BRINP1: variants seen among roughly 807,000 people sequenced by gnomAD.
The protein encoded by BRINP1 is BMP/retinoic acid-inducible neural-specific protein 1.
In BRINP1, 17 loss-of-function variants were observed where a neutral mutation model predicts 72.9. That is an observed-to-expected ratio of 0.23 (90% CI 0.16 to 0.35). BRINP1 has a LOEUF of 0.35. Among genes scored for constraint, BRINP1 ranks in the 10% least tolerant of loss-of-function variants. The pLI is 1.00. For synonymous variants in BRINP1, 418 were observed against 378.5 expected (o/e 1.10, Z -1.21); for missense variants, 850 against 1,001.6 (o/e 0.85, Z 2.04).
At chr9:119,322,389 A>C (rs1258635095) in intron 1 of BRINP1, among the ~76,000 whole-genome samples, 1 of 152,184 alleles carries the variant, frequency 6.6e-6, no homozygotes, top group Non-Finnish European at 1.5e-5. Flanking sequence ...GCTATATATA[A>C]GCCTGCAGTG....
intron 3 of BRINP1, among the ~76,000 whole-genome samples, chr9:119,243,213 C>G (rs1830276103): frequency 1.3e-5 from 2 of 152,248 alleles, no homozygotes; most frequent in East Asian, 1.9e-4. Flanking sequence ...CGCTCCCCCA[C>G]CCTACCCCTC....
chr9:119,363,998 C>A (rs922820061), intron 1 of BRINP1, among the ~76,000 whole-genome samples: 4 of 147,940 alleles, frequency 2.7e-5, no homozygotes, highest in Non-Finnish European at 5.9e-5. Context: ...AATCCTCACT[C>A]AATTTCAGGT....
chr9:119,241,490 G>A (rs2118911520), intron 4 of BRINP1, among the ~76,000 whole-genome samples: 1 of 152,280 alleles, frequency 6.6e-6, no homozygotes, highest in African/African-American at 2.4e-5. Flanking sequence ...GTCTTGTACA[G>A]AAAACTTTTG....
intron 7 of BRINP1, 42 bp from the exon 8 acceptor site, chr9:119,168,266 G>A (rs753497252): frequency 2.1e-6 from 3 of 1,435,268 alleles, no homozygotes; most frequent in Non-Finnish European, 2.8e-6. Context: ...GCTACCATGA[G>A]TGGGTCTGTG....
intron 7 of BRINP1, among the ~76,000 whole-genome samples, chr9:119,202,768 G>A (rs1034828403): frequency 8.5e-5 from 13 of 152,064 alleles, no homozygotes; most frequent in African/African-American, 7.2e-5. Context: ...ATATCTGGTC[G>A]ACCCATTACT....
At chr9:119,215,344 T>C (rs978359252) in intron 5 of BRINP1, among the ~76,000 whole-genome samples, 3 of 152,200 alleles carry the variant, frequency 2.0e-5, no homozygotes, top group Non-Finnish European at 2.9e-5. Context: ...AGCAGAGTGG[T>C]CTATTGTCTG....
intron 1 of BRINP1, among the ~76,000 whole-genome samples, chr9:119,335,575 C>T (rs1044725548): frequency 6.6e-6 from 1 of 152,114 alleles, no homozygotes; most frequent in Non-Finnish European, 1.5e-5. Flanking sequence ...ATTTGATCAA[C>T]AGGAACCTAA....
In BRINP1 at chr9:119,167,387, G is replaced by C; in HGVS notation, c.1983C>G (p.Ser661Arg). 6 of 1,614,090 alleles carry C rather than the reference G, an allele frequency of 3.7e-6. No homozygotes were observed. Among genetic ancestry groups the C allele is most frequent in the Non-Finnish European group, 4.2e-6 (5 of 1,180,004 alleles). Residue 661 changes from serine to arginine, a missense_variant, in exon 8 of 8, where the codon AGC (serine) becomes AGG (arginine). Physicochemically the swap from Ser to Arg is moderately radical, Grantham distance 110. Coordinates refer to ENST00000265922, the MANE Select transcript of BRINP1 (RefSeq NM_014618.3). This position sits in a 1 kb window ranked among gnomAD's most constrained non-coding sequence, Gnocchi z 4.3. ...KISDVQVFGY[S>R]LRFNADLLRS... ...GCAGGAGGTCGGCGTTGAACCTCAG[G>C]CTATACCCAAACACCTGCACGTCTG...
intron 7 of BRINP1, among the ~76,000 whole-genome samples, chr9:119,208,206 A>G (rs894131808): frequency 2.6e-5 from 4 of 152,028 alleles, no homozygotes; most frequent in African/African-American, 9.7e-5. Flanking sequence ...TCAGGTGAGG[A>G]CCCTGCACTC....
In BRINP1 at chr9:119,208,706, T is replaced by C. The variant is rs771166886; in HGVS notation, c.1145+13A>G. On this transcript the variant is annotated intron_variant, in intron 7 of 7. Transcript: ENST00000265922. ...TAGGTGCCTGCAGAGGTGGAGGTGG[T>C]GGCAACACTTACCTCTCTCTAGGCA... 3.1e-6 allele frequency: 5 copies of C among 1,611,118 alleles called. No individual in the cohort carries two copies. The South Asian group carries it at 5.5e-5, about 18-fold the overall frequency.
At chr9:119,244,598 G>T (rs1830293755) in intron 3 of BRINP1, among the ~76,000 whole-genome samples, 1 of 152,198 alleles carries the variant, frequency 6.6e-6, no homozygotes, top group African/African-American at 2.4e-5. Flanking sequence ...AATGTTCCAT[G>T]TGTCAGCTCA....
At chr9:119,304,645 A>C (rs763922988) in intron 2 of BRINP1, among the ~76,000 whole-genome samples, 5 of 152,370 alleles carry the variant, frequency 3.3e-5, no homozygotes, top group Non-Finnish European at 4.4e-5. Context: ...TCTACATAAA[A>C]GAATGCATCC....
chr9:119,176,864 T>C (rs188299871), intron 7 of BRINP1, among the ~76,000 whole-genome samples: 1 of 152,274 alleles, frequency 6.6e-6, no homozygotes, highest in East Asian at 1.9e-4. Flanking sequence ...TTTCGATGAG[T>C]TGCTTATCGG....
At chr9:119,247,008 G>T (rs1830326976) in intron 3 of BRINP1, among the ~76,000 whole-genome samples, 1 of 152,162 alleles carries the variant, frequency 6.6e-6, no homozygotes, top group Admixed American at 6.5e-5. Flanking sequence ...TTGCCTTAGA[G>T]AAATTAAAAA....
At chr9:119,180,717 C>T (rs1180863742) in intron 7 of BRINP1, among the ~76,000 whole-genome samples, 3 of 152,072 alleles carry the variant, frequency 2.0e-5, no homozygotes, top group Non-Finnish European at 4.4e-5. Context: ...TCTAACATTG[C>T]TTTAATAACC....
intron 2 of BRINP1, among the ~76,000 whole-genome samples, chr9:119,306,929 C>T (rs1831002868): frequency 6.6e-6 from 1 of 152,120 alleles, no homozygotes; most frequent in African/African-American, 2.4e-5. Flanking sequence ...TTTAAGCCAT[C>T]CCAATTCAAA....
At chr9:119,261,394 T>C (rs1262236966) in intron 2 of BRINP1, among the ~76,000 whole-genome samples, 2 of 152,218 alleles carry the variant, frequency 1.3e-5, no homozygotes, top group Admixed American at 6.5e-5. Flanking sequence ...GGCACCAAGA[T>C]GATGGATAAC....
At chr9:119,334,324 C>T (rs1171323021) in intron 1 of BRINP1, among the ~76,000 whole-genome samples, 4 of 152,182 alleles carry the variant, frequency 2.6e-5, no homozygotes, top group Admixed American at 2.0e-4. Context: ...TTACCTCATT[C>T]GGTTTTCACA....
intron 2 of BRINP1, among the ~76,000 whole-genome samples, chr9:119,280,462 T>G (rs1447386713): frequency 6.6e-6 from 1 of 151,586 alleles, no homozygotes; most frequent in African/African-American, 2.4e-5. Context: ...GCCAGGATGG[T>G]CTCCATCTCC....
Sources: allele counts gnomAD v4.1 joint callset (sites outside exome capture counted in the v4.1 genomes callset), GRCh38; gene constraint gnomAD v4.1.1; non-coding constraint Gnocchi (gnomAD v3.1); transcripts MANE v1.5; gene names NCBI Gene and HGNC (gene_info 2026-07-23, HGNC 2026-07-21).